ZNF442: variants seen among roughly 807,000 people sequenced by gnomAD.
The protein encoded by ZNF442 is zinc finger protein 442.
In ZNF442, 45 loss-of-function variants were observed where a neutral mutation model predicts 57.0. The observed-to-expected ratio is 0.79, with a 90% CI of 0.62 to 1.01. The LOEUF is 1.01. ZNF442 is among the 50% of genes least tolerant of loss of function. The probability of loss-of-function intolerance (pLI) is 0.00; values close to 1 mark genes in which losing one functional copy is unlikely to be tolerated. For missense variants in ZNF442, 690 were observed against 756.5 expected, an observed-to-expected ratio of 0.91 and a Z score of 1.03; for synonymous variants, 213 against 241.8, an observed-to-expected ratio of 0.88 and a Z score of 1.10.
Position 12,350,236 on chromosome 19 carries a change from C to T in ZNF442, c.1349G>A (p.Arg450Lys), listed in dbSNP as rs1482386638. The T allele has an allele frequency of 6.2e-7, 1 of 1,613,070 alleles. No individual in the cohort carries two copies. Among genetic ancestry groups the T allele is most frequent in the East Asian group, 2.2e-5 (1 of 44,784 alleles). Residue 450 changes from arginine (R) to lysine (K), a missense_variant, in exon 6 of 6, where the codon AGA becomes AAA. Arg to Lys is a conservative substitution (Grantham distance 26). Coordinates refer to ENST00000242804, the MANE Select transcript of ZNF442 (RefSeq NM_030824.3). ...CTCTCCAGTGTGAGTTGTTTCATGT[C>T]TTCGAAGGGAACTAGAAATACGGAA... is the stretch of plus-strand genomic sequence containing the variant. ...KAFRISSSLR[R>K]HETTHTGEKP...
intron 5 of ZNF442, 185 bp downstream of exon 5, chr19:12,351,824 AG>A (rs1397570814): frequency 1.9e-6 from 1 of 539,354 alleles, no homozygotes; most frequent in East Asian, 3.1e-5. Context: ...ATTGTTTCTA[AG>A]GGAACTATTT....
At chr19:12,362,061 G>A (rs935827966) in intron 3 of ZNF442, among the ~76,000 whole-genome samples, 206 of 152,160 alleles carry the variant, frequency 1.4e-3, no homozygotes, top group Non-Finnish European at 7.9e-4. Flanking sequence ...GCGTGATCTC[G>A]GCTCGCTACA....
rs1166112707 is a variant in ZNF442 at position 12,347,945 on chromosome 19, G to T, written c.*1756C>A. The T allele has an allele frequency of 6.6e-6, 1 of 152,182 alleles. No homozygotes were observed. The highest frequency in any genetic ancestry group is 1.5e-5 in the Non-Finnish European group (1 of 68,040). 9.4% of individuals were successfully genotyped at this position (152,182 alleles called of 1,614,324 possible). The stretch of plus-strand genomic sequence containing the variant: ...ATTCTCTGCAGATAATGATGATAAT[G>T]ATGATGCAGAAGACTTAGAAGAGGT... On this transcript the variant is annotated 3_prime_UTR_variant, in exon 6 of 6. Transcript: ENST00000242804.
intron 4 of ZNF442, among the ~76,000 whole-genome samples, chr19:12,352,621 T>TA (rs1969260733): frequency 6.6e-6 from 1 of 152,248 alleles, no homozygotes; most frequent in African/African-American, 2.4e-5. Flanking sequence ...TGAAAACCTT[T>TA]ATGATGATCC....
the ZNF442 span, among the ~76,000 whole-genome samples, chr19:12,371,188 T>A: frequency 6.6e-6 from 1 of 152,042 alleles, no homozygotes; most frequent in African/African-American, 2.4e-5. Flanking sequence ...AATCAACTTG[T>A]GATAATTGTA....
chr19:12,368,464 C>T (rs1018376449), upstream of ZNF442, among the ~76,000 whole-genome samples: 4 of 152,158 alleles, frequency 2.6e-5, no homozygotes, highest in African/African-American at 9.7e-5. Flanking sequence ...GTTCTTCTGC[C>T]GTGGCTTCAG....
rs1356348721 is a variant in ZNF442, at chr19:12,350,561, T to C, written c.1024A>G (p.Arg342Gly). 6.2e-7 allele frequency: 1 copy of C among 1,613,874 alleles called. No homozygotes were observed. Among genetic ancestry groups the C allele is most frequent in the Non-Finnish European group, 8.5e-7 (1 of 1,179,986 alleles). Reference protein sequence around the residue: ...HLGSFQRHMIRHTGDGPHKCK... With the variant: ...HLGSFQRHMIGHTGDGPHKCK... ...TTATGAGGTCCATCTCCAGTGTGCC[T>C]TATCATGTGTCTTTGAAAGCTTCCC... Residue 342 changes from arginine to glycine, a missense_variant, in exon 6 of 6, where the codon AGG becomes GGG. Coordinates refer to ENST00000242804, the MANE Select transcript of ZNF442 (RefSeq NM_030824.3).
upstream of ZNF442, chr19:12,365,701 G>A (rs193074140): frequency 6.8e-4 from 139 of 203,448 alleles, no homozygotes; most frequent in Non-Finnish European, 5.8e-4. Context: ...TCCCGGCAGC[G>A]CGCCTGACTG....
At chr19:12,367,802 G>A (rs971094997), upstream of ZNF442, among the ~76,000 whole-genome samples, 13 of 152,044 alleles carry the variant, frequency 8.6e-5, no homozygotes, top group African/African-American at 3.1e-4. Flanking sequence ...CCAAGTAGCT[G>A]GGACTACAGG....
At position 12,348,854 on chromosome 19, in the gene ZNF442, C is replaced by T. The variant is rs1007556959; in HGVS notation, c.*847G>A. The T allele has an allele frequency of 6.6e-6, 1 of 151,352 alleles. No individual in the cohort carries two copies. Among genetic ancestry groups the T allele is most frequent in the African/African-American group, 2.4e-5 (1 of 41,190 alleles). The allele number at this position is 151,352 out of a possible 1,614,324, so 9.4% of individuals were successfully genotyped here. A position where few individuals can be genotyped will look rare whatever the true frequency, so the allele number is the denominator to read the frequency against. The stretch of plus-strand genomic sequence containing the variant: ...TTTCATAAGTGTTAACACACGATTC[C>T]AGGTCATTAAATAAAAGCAATCTAT... On this transcript the variant is annotated 3_prime_UTR_variant, in exon 6 of 6. Coordinates refer to ENST00000242804, the MANE Select transcript of ZNF442 (RefSeq NM_030824.3).
chr19:12,353,035 A>G lies in ZNF442; in HGVS notation c.158T>C (p.Leu53Pro), dbSNP rs778622347. ...GGTTTCCCACATCACATCTCTGTAC[A>G]GACTCTTCTGTGATGGACCCAGCAA... ...WALLGPSQKS[L>P]YRDVMWETIR... Residue 53 changes from leucine (L) to proline (P), a missense_variant, in exon 4 of 6, where the codon CTG becomes CCG. Transcript: ENST00000242804. 6.2e-7 allele frequency: 1 copy of G among 1,613,654 alleles called. No individual in the cohort carries two copies. The highest frequency in any genetic ancestry group is 1.3e-5 in the African/African-American group (1 of 75,004).
In ZNF442 at chr19:12,349,880, TTCCAG is replaced by T; in HGVS notation, c.1700_1704del (p.Thr567LysfsTer5). 6.2e-7 allele frequency: 1 copy of T among 1,613,680 alleles called. No homozygotes were observed. Among genetic ancestry groups the T allele is most frequent in the Non-Finnish European group, 8.5e-7 (1 of 1,179,880 alleles). On this transcript the variant is annotated frameshift_variant, in exon 6 of 6. Coordinates refer to ENST00000242804, the MANE Select transcript of ZNF442 (RefSeq NM_030824.3). LOFTEE classifies it high-confidence loss of function. ...CATTGTTGACATTCATAAGATTTCT[TTCCAG>T]TGTGAATTCTTTCATGTCGCAGAAG... is the stretch of plus-strand genomic sequence containing the variant.
At chr19:12,355,543 T>A (rs1285500081) in intron 3 of ZNF442, among the ~76,000 whole-genome samples, 3 of 150,380 alleles carry the variant, frequency 2.0e-5, no homozygotes, top group Non-Finnish European at 3.0e-5. Context: ...GTATTTTTAG[T>A]AGAGATGGGG....
intron 3 of ZNF442, among the ~76,000 whole-genome samples, chr19:12,353,815 T>A (rs1969282733): frequency 6.6e-6 from 1 of 152,150 alleles, no homozygotes; most frequent in African/African-American, 2.4e-5. Flanking sequence ...TCAAGATTAA[T>A]CCATTCTTGG....
upstream of ZNF442, among the ~76,000 whole-genome samples, chr19:12,368,801 C>G (rs1164292776): frequency 1.3e-5 from 2 of 152,156 alleles, no homozygotes; most frequent in African/African-American, 4.8e-5. Context: ...TGACTTCTTT[C>G]CACACGCGGT....
chr19:12,355,290 C>CA (rs1243882800), intron 3 of ZNF442, among the ~76,000 whole-genome samples: 4,021 of 55,372 alleles, frequency 0.073, 97 homozygotes, highest in Middle Eastern at 0.16. Context: ...GACTCCATCT[C>CA]AAAAAAAAAA....
At chr19:12,372,958 G>C in the ZNF442 span, among the ~76,000 whole-genome samples, 4 of 152,168 alleles carry the variant, frequency 2.6e-5, no homozygotes, top group African/African-American at 9.7e-5. Flanking sequence ...ATTTTTAGTA[G>C]AGACAGGGTT....
At chr19:12,367,680 T>G (rs560601755), upstream of ZNF442, among the ~76,000 whole-genome samples, 1 of 152,128 alleles carries the variant, frequency 6.6e-6, no homozygotes, top group African/African-American at 2.4e-5. Flanking sequence ...TATATATATT[T>G]TTTTGAGACA....
At position 12,350,015 on chromosome 19, in the gene ZNF442, C is replaced by T. The variant is rs1289517870; in HGVS notation, c.1570G>A (p.Ala524Thr). 5.0e-6 allele frequency: 8 copies of T among 1,614,104 alleles called. No homozygotes were observed. In the South Asian group the frequency reaches 6.6e-5, roughly 13 times the overall value. The stretch of plus-strand genomic sequence containing the variant: ...TTTAAGTTACCAAAATGACTGAAGG[C>T]TTTCTTACATGTTTTACATTCATAA... ...KPYECKTCKK[A>T]FSHFGNLKVH... is the part of the protein sequence containing the mutation. The change falls in exon 6 of 6, where the codon GCC becomes ACC. Residue 524 changes from alanine (A) to threonine (T), a missense_variant. By Grantham distance (58) the Ala-to-Thr change is moderately conservative. Coordinates refer to ENST00000242804, the MANE Select transcript of ZNF442 (RefSeq NM_030824.3).
Sources: allele counts gnomAD v4.1 joint callset (sites outside exome capture counted in the v4.1 genomes callset), GRCh38; gene constraint gnomAD v4.1.1; transcripts MANE v1.5; gene names NCBI Gene and HGNC (gene_info 2026-07-23, HGNC 2026-07-21).